Variants in CAD observed in about 807,000 individuals in gnomAD.
CAD encodes the protein multifunctional protein CAD.
In CAD, 81 loss-of-function variants were observed where a neutral mutation model predicts 237.2. The observed-to-expected ratio is 0.34, with a 90% CI of 0.29 to 0.41. CAD has a LOEUF of 0.41. Ranked by LOEUF, CAD falls within the 10% of genes least tolerant of loss-of-function variation. The pLI is 1.00. For synonymous variants in CAD, 1,196 were observed against 1,162.8 expected (o/e 1.03, Z -0.58); for missense variants, 2,181 against 2,951.7 (o/e 0.74, Z 6.05).
In CAD at chr2:27,241,302, T is replaced by C. The variant is rs771670772; in HGVS notation, c.5809-20T>C. 4 of 1,614,002 alleles carry C rather than the reference T, an allele frequency of 2.5e-6. No homozygotes were observed. The highest frequency in any genetic ancestry group is 2.7e-5 in the African/African-American group (2 of 74,922). ...AAGCTGGGGCTAGGACCTTTCTAGC[T>C]AACTTGGGCTCTTTCTTAGATGTCT... On this transcript the variant is annotated intron_variant, in intron 37 of 43. Transcript: ENST00000264705. The surrounding 1 kb of genome is among the most constrained non-coding windows in gnomAD (Gnocchi z 4.6).
chr2:27,222,950 C>T lies in CAD; in HGVS notation c.722C>T (p.Ser241Phe). The T allele has an allele frequency of 6.2e-7, 1 of 1,614,220 alleles. No homozygotes were observed. The highest frequency in any genetic ancestry group is 8.5e-7 in the Non-Finnish European group (1 of 1,180,042). ...GTATCCACACTGAGCCGTGTTTTATCTGAGCCTAATCCCCGACCTGTCTTT... is the reference window on the plus strand; with the variant it reads ...GTATCCACACTGAGCCGTGTTTTATTTGAGCCTAATCCCCGACCTGTCTTT... ...SVVSTLSRVL[S>F]EPNPRPVFGI... is the part of the protein sequence containing the mutation. The change falls in exon 6 of 44, where the codon TCT becomes TTT. Residue 241 changes from serine to phenylalanine, a missense_variant. By Grantham distance (155) the Ser-to-Phe change is radical (BLOSUM62 -2). Coordinates refer to ENST00000264705, the MANE Select transcript of CAD (RefSeq NM_004341.5).
chr2:27,243,337 GGGA>G (rs770409080), intron 43 of CAD, 45 bp downstream of exon 43: 2 of 1,609,638 alleles, frequency 1.2e-6, no homozygotes, highest in Non-Finnish European at 1.7e-6. Flanking sequence ...GCTGGTGGAC[GGGA>G]GGAGACTTAG....
intron 15 of CAD, among the ~76,000 whole-genome samples, chr2:27,228,460 T>C (rs1675547730): frequency 6.6e-6 from 1 of 152,194 alleles, no homozygotes; most frequent in Non-Finnish European, 1.5e-5. Flanking sequence ...GGCACGGTGG[T>C]TGTAATTAAT....
At chr2:27,238,361 G>A in intron 30 of CAD, 70 bp from the exon 31 acceptor site, 1 of 1,479,850 alleles carries the variant, frequency 6.8e-7, no homozygotes, top group South Asian at 1.3e-5. Context: ...AGGGATGTTG[G>A]CCATTGGGAC....
Position 27,236,171 on chromosome 2 carries a change from A to G in CAD, c.4075-113A>G, listed in dbSNP as rs938353168. On this transcript the variant is annotated intron_variant, in intron 25 of 43. Coordinates refer to ENST00000264705, the MANE Select transcript of CAD (RefSeq NM_004341.5). This position sits in a 1 kb window ranked among gnomAD's most constrained non-coding sequence, Gnocchi z 4.1. ...AGAGGCAGCCCTCAGTGCCCACCCT[A>G]TGGGTCCTCAGTCTCCTCATCATGG... 34 of 1,417,018 alleles carry G rather than the reference A, an allele frequency of 2.4e-5. No individual in the cohort carries two copies. The Admixed American group carries it at 2.8e-4, about 12-fold the overall frequency. 87.8% of individuals were successfully genotyped at this position (1,417,018 alleles called of 1,614,324 possible). A position where few individuals can be genotyped will look rare whatever the true frequency, so the allele number is the denominator to read the frequency against.
intron 3 of CAD, 77 bp downstream of exon 3, chr2:27,221,424 G>T: frequency 1.6e-6 from 2 of 1,266,438 alleles, no homozygotes; most frequent in South Asian, 4.1e-5. Flanking sequence ...TCTGTAATCT[G>T]CTGGGACCTG....
chr2:27,219,324 T>C (rs568907970), intron 2 of CAD, among the ~76,000 whole-genome samples: 1 of 151,738 alleles, frequency 6.6e-6, no homozygotes, highest in East Asian at 1.9e-4. Context: ...CGCTTATCTA[T>C]TGAGTAACAA....
chr2:27,223,796 TTGA>T (rs1231104589), intron 7 of CAD, 48 bp downstream of exon 7: 1 of 1,600,108 alleles, frequency 6.2e-7, no homozygotes, highest in Non-Finnish European at 8.6e-7. Context: ...CCTGTGGGCC[TTGA>T]TGATGGAAAA....
chr2:27,222,832 C>A, intron 5 of CAD, 34 bp from the exon 6 acceptor site: 1 of 1,608,066 alleles, frequency 6.2e-7, no homozygotes, highest in Non-Finnish European at 8.5e-7. Flanking sequence ...AATTGAAATA[C>A]TGATTTTGAT....
intron 1 of CAD, 39 bp downstream of exon 1, chr2:27,217,672 C>T (rs915714825): frequency 2.0e-6 from 3 of 1,522,612 alleles, no homozygotes; most frequent in Non-Finnish European, 2.7e-6. Context: ...TTATCCCACT[C>T]TGTGATGCGC....
At chr2:27,219,902 A>G (rs1675072123) in intron 2 of CAD, among the ~76,000 whole-genome samples, 1 of 152,124 alleles carries the variant, frequency 6.6e-6, no homozygotes, top group Non-Finnish European at 1.5e-5. Flanking sequence ...TCTTTTTTAA[A>G]TAATCCCAAA....
rs200243379 is a variant in CAD at position 27,231,968 on chromosome 2, C to G, written c.2401-12C>G. The G allele has an allele frequency of 2.1e-5, 34 of 1,614,020 alleles. No individual in the cohort carries two copies. Among genetic ancestry groups the G allele is most frequent in the Non-Finnish European group, 1.9e-5 (22 of 1,179,988 alleles). ...GGCAGTAGCTTCCGTCTGTCTACCCCCTTTCTATCAGGAGTTGGAGACTCC... is the reference window on the plus strand; with the variant it reads ...GGCAGTAGCTTCCGTCTGTCTACCCGCTTTCTATCAGGAGTTGGAGACTCC... On this transcript the variant is annotated splice_polypyrimidine_tract_variant and intron_variant, in intron 16 of 43. Coordinates refer to ENST00000264705, the MANE Select transcript of CAD (RefSeq NM_004341.5).
Position 27,236,086 on chromosome 2 carries a change from C to A in CAD, c.4075-198C>A, listed in dbSNP as rs758268632. 4.6e-5 allele frequency among the ~76,000 whole-genome samples: 7 copies of A among 152,170 alleles called. No individual in the cohort carries two copies. The highest frequency in any genetic ancestry group is 7.3e-5 in the Non-Finnish European group (5 of 68,032). The stretch of plus-strand genomic sequence containing the variant: ...TCATACTGCACCTAGTCCTTGGTAA[C>A]CCATCTTACTTAGTGTAGATATCTT... On this transcript the variant is annotated intron_variant, in intron 25 of 43. Coordinates refer to ENST00000264705, the MANE Select transcript of CAD (RefSeq NM_004341.5). The surrounding 1 kb of genome is among the most constrained non-coding windows in gnomAD (Gnocchi z 4.1).
At chr2:27,222,766 A>G in intron 5 of CAD, 100 bp from the exon 6 acceptor site, 2 of 1,571,448 alleles carry the variant, frequency 1.3e-6, no homozygotes, top group Non-Finnish European at 1.7e-6. Context: ...TGAAGAAGAT[A>G]GACATTGGGA....
rs941798876 is a variant in CAD, at chr2:27,236,014, C to G, written c.4075-270C>G. 1.9e-5 allele frequency: 10 copies of G among 537,608 alleles called. No homozygotes were observed. The highest frequency in any genetic ancestry group is 1.7e-4 in the Admixed American group (5 of 29,078). 33.3% of individuals were successfully genotyped at this position (537,608 alleles called of 1,614,324 possible). A position where few individuals can be genotyped will look rare whatever the true frequency, so the allele number is the denominator to read the frequency against. On this transcript the variant is annotated intron_variant, in intron 25 of 43. Transcript: ENST00000264705. This position sits in a 1 kb window ranked among gnomAD's most constrained non-coding sequence, Gnocchi z 4.1. ...CTCTTAAAATCTCTGTACCACTGTT[C>G]TGATATTTTTCCTTCCAGGATTTTC...
chr2:27,226,638 G>T lies in CAD; in HGVS notation c.2145G>T (p.Leu715Phe). Residue 715 changes from leucine (L) to phenylalanine (F), a missense_variant, in exon 14 of 44, where the codon TTG (leucine) becomes TTT (phenylalanine). This residue lies in a region of CAD where 385 missense variants were observed against 535.1 expected (regional missense o/e 0.72). Transcript: ENST00000264705. ...CCAAGCTAGCATTGGGCATCCCTTT[G>T]CCTGAGCTCAGGTACGAGGATGAGG... ...VAAKLALGIPLPELRNSVTGG... is the reference protein window; with the variant it reads ...VAAKLALGIPFPELRNSVTGG... 1.9e-6 allele frequency: 3 copies of T among 1,614,128 alleles called. No individual in the cohort carries two copies. The highest frequency in any genetic ancestry group is 2.5e-6 in the Non-Finnish European group (3 of 1,180,024).
chr2:27,234,733 G>C, intron 23 of CAD, 48 bp downstream of exon 23: 1 of 1,555,614 alleles, frequency 6.4e-7, no homozygotes, highest in South Asian at 1.2e-5. Context: ...TAGCGGGAGA[G>C]AGTTCACTCA....
In CAD at chr2:27,239,978, C is replaced by T. The variant is rs1191837069; in HGVS notation, c.5496+180C>T. The T allele has an allele frequency of 5.1e-6, 3 of 593,378 alleles. No homozygotes were observed. Among genetic ancestry groups the T allele is most frequent in the Non-Finnish European group, 8.7e-6 (3 of 345,150 alleles). The allele number at this position is 593,378 out of a possible 1,614,324, so 36.8% of individuals were successfully genotyped here. On this transcript the variant is annotated intron_variant, in intron 34 of 43. Transcript: ENST00000264705. The surrounding 1 kb of genome is among the most constrained non-coding windows in gnomAD (Gnocchi z 4.0). Reference sequence around the variant, plus strand: ...GGGCCAGGCCAGATGTGGTGGCTCACACTTGTAATCCCAGCACTTTGGGAG... The same window carrying T: ...GGGCCAGGCCAGATGTGGTGGCTCATACTTGTAATCCCAGCACTTTGGGAG...
Position 27,235,197 on chromosome 2 carries a change from G to A in CAD, c.3787-48G>A. ...GTGTCCGTCTCTGCTGGTGAGGGAG[G>A]AGGTCCTCTCACACCTTGGCCCTCT... On this transcript the variant is annotated intron_variant, in intron 23 of 43. Transcript: ENST00000264705. The surrounding 1 kb of genome is among the most constrained non-coding windows in gnomAD (Gnocchi z 5.2). 1 of 1,510,046 alleles carries A rather than the reference G, an allele frequency of 6.6e-7. No homozygotes were observed. The allele number at this position is 1,510,046 out of a possible 1,614,324, so 93.5% of individuals were successfully genotyped here. A position where few individuals can be genotyped will look rare whatever the true frequency, so the allele number is the denominator to read the frequency against.
Sources: allele counts gnomAD v4.1 joint callset (sites outside exome capture counted in the v4.1 genomes callset), GRCh38; gene constraint gnomAD v4.1.1; regional missense constraint gnomAD v4.1.1; non-coding constraint Gnocchi (gnomAD v3.1); transcripts MANE v1.5; gene names NCBI Gene and HGNC (gene_info 2026-07-23, HGNC 2026-07-21).